The following KIRREL3 variants were observed in gnomAD, a reference collection of about 807,000 sequenced individuals.
KIRREL3 encodes the protein kirre like nephrin family adhesion molecule 3.
Under a neutral mutation model 89.7 loss-of-function variants are expected in KIRREL3, and 36 were observed. The observed-to-expected ratio is 0.40, with a 90% CI of 0.31 to 0.53. KIRREL3 has a LOEUF of 0.53. Among genes scored for constraint, KIRREL3 ranks in the 20% least tolerant of loss-of-function variants. KIRREL3 has a pLI of 0.49. For missense variants in KIRREL3, 864 were observed against 1,056.6 expected, an observed-to-expected ratio of 0.82 and a Z score of 2.53; for synonymous variants, 445 against 441.4, an observed-to-expected ratio of 1.01 and a Z score of -0.10.
intron 1 of KIRREL3, among the ~76,000 whole-genome samples, chr11:126,794,519 T>A (rs1317572287): frequency 6.6e-6 from 1 of 152,222 alleles, no homozygotes; most frequent in African/African-American, 2.4e-5. Flanking sequence ...GTAACACAGA[T>A]CACATGAGAG....
Position 126,905,915 on chromosome 11 carries a change from C to T in KIRREL3, c.55+94540G>A, listed in dbSNP as rs531675174. The stretch of plus-strand genomic sequence containing the variant: ...TGCAGCACAGCTAAGTGAGGATGCA[C>T]GGAGGAGATGAAACAGGCTGACAGG... On this transcript the variant is annotated intron_variant, in intron 1 of 16. Coordinates refer to ENST00000525144, the MANE Select transcript of KIRREL3 (RefSeq NM_032531.4). The surrounding 1 kb of genome is among the most constrained non-coding windows in gnomAD (Gnocchi z 5.0). 3.9e-5 allele frequency among the ~76,000 whole-genome samples: 6 copies of T among 152,270 alleles called. No homozygotes were observed. In the East Asian group the frequency reaches 5.8e-4, roughly 15 times the overall value.
At position 126,954,792 on chromosome 11, in the gene KIRREL3, G is replaced by C. The variant is rs1948876088; in HGVS notation, c.55+45663C>G. Among the ~76,000 whole-genome samples, 1 of 152,162 alleles carries C rather than the reference G, an allele frequency of 6.6e-6. No individual in the cohort carries two copies. Among genetic ancestry groups the C allele is most frequent in the African/African-American group, 2.4e-5 (1 of 41,416 alleles). On this transcript the variant is annotated intron_variant, in intron 1 of 16. Transcript: ENST00000525144. The surrounding 1 kb of genome is among the most constrained non-coding windows in gnomAD (Gnocchi z 4.1). Reference sequence around the variant, plus strand: ...GGCTTACCCTTGAACAACTTTATCAGAAAGTTTTTTCTCATAGAAGGCAGA... The same window carrying C: ...GGCTTACCCTTGAACAACTTTATCACAAAGTTTTTTCTCATAGAAGGCAGA...
At chr11:126,716,762 A>AGGGC (rs1947983250) in intron 1 of KIRREL3, among the ~76,000 whole-genome samples, 2 of 129,832 alleles carry the variant, frequency 1.5e-5, no homozygotes, top group African/African-American at 6.4e-5. Flanking sequence ...GGGGGGGGGA[A>AGGGC]GTGTGGGGGA....
rs1006640243 is a variant in KIRREL3 at position 126,909,467 on chromosome 11, C to G, written c.55+90988G>C. Among the ~76,000 whole-genome samples the G allele has an allele frequency of 5.9e-5, 9 of 152,216 alleles. No individual in the cohort carries two copies. Among genetic ancestry groups the G allele is most frequent in the Non-Finnish European group, 1.0e-4 (7 of 68,032 alleles). ...GAGAGCCATGCCTATTCCTTCAGCA[C>G]GTGCTAAGCGCCGACTCTCAGGGCA... On this transcript the variant is annotated intron_variant, in intron 1 of 16. Transcript: ENST00000525144. The surrounding 1 kb of genome is among the most constrained non-coding windows in gnomAD (Gnocchi z 4.5).
Position 126,492,575 on chromosome 11 carries a change from G to C in KIRREL3, c.434-19109C>G, listed in dbSNP as rs1173973149. On this transcript the variant is annotated intron_variant, in intron 4 of 16. Coordinates refer to ENST00000525144, the MANE Select transcript of KIRREL3 (RefSeq NM_032531.4). The surrounding 1 kb of genome is among the most constrained non-coding windows in gnomAD (Gnocchi z 4.8). ...AGGAGGAGGGATGAGGCTGCCAATT[G>C]CCACCGCCACACAGCAAGCGTCACC... is the stretch of plus-strand genomic sequence containing the variant. Among the ~76,000 whole-genome samples the C allele has an allele frequency of 1.3e-5, 2 of 152,176 alleles. No individual in the cohort carries two copies. The highest frequency in any genetic ancestry group is 2.4e-5 in the African/African-American group (1 of 41,436).
chr11:126,654,951 T>C (rs1945070571), intron 1 of KIRREL3, among the ~76,000 whole-genome samples: 1 of 152,220 alleles, frequency 6.6e-6, no homozygotes, highest in Admixed American at 6.5e-5. Context: ...CTCCTTGCTT[T>C]TATCCTGTCC....
chr11:126,590,104 T>C (rs541969), intron 1 of KIRREL3, among the ~76,000 whole-genome samples: 81,079 of 152,060 alleles, frequency 0.53, 21,934 homozygotes, highest in Admixed American at 0.62. Flanking sequence ...AGGAACCAGA[T>C]TCTGAGGGCT....
intron 1 of KIRREL3, among the ~76,000 whole-genome samples, chr11:126,727,150 T>A (rs1167992324): frequency 6.6e-6 from 1 of 152,202 alleles, no homozygotes; most frequent in Non-Finnish European, 1.5e-5. Context: ...CCATCCATGT[T>A]CATGAAATGA....
chr11:126,466,776 G>A (rs926368877), intron 5 of KIRREL3, among the ~76,000 whole-genome samples: 7 of 152,140 alleles, frequency 4.6e-5, no homozygotes, highest in African/African-American at 1.7e-4. Context: ...CCTTCACTGA[G>A]CTTGGCTCTG....
chr11:126,424,978 G>A lies in KIRREL3; in HGVS notation c.1939C>T (p.His647Tyr), dbSNP rs769834000. Residue 647 changes from histidine to tyrosine, a missense_variant, in exon 17 of 17, where the codon CAC becomes TAC. Physicochemically the swap from His to Tyr is moderately conservative, Grantham distance 83. Coordinates refer to ENST00000525144, the MANE Select transcript of KIRREL3 (RefSeq NM_032531.4). ...YYSVNTFKEH[H>Y]STPTISLSSC... is the part of the protein sequence containing the mutation. ...GAGAGGGAGATGGTCGGGGTTGAGT[G>A]GTGCTCTTTGAAGGTGTTGACGCTG... The A allele has an allele frequency of 6.4e-6, 10 of 1,572,302 alleles. No individual in the cohort carries two copies. In the Admixed American group the frequency reaches 1.1e-4, roughly 17 times the overall value.
At chr11:126,760,227 C>G (rs1949627231) in intron 1 of KIRREL3, among the ~76,000 whole-genome samples, 2 of 152,220 alleles carry the variant, frequency 1.3e-5, no homozygotes, top group African/African-American at 2.4e-5. Flanking sequence ...TTTCGAGAGG[C>G]TGCAAACTCA....
chr11:126,442,521 G>T (rs1287753441), intron 10 of KIRREL3, among the ~76,000 whole-genome samples: 1 of 152,188 alleles, frequency 6.6e-6, no homozygotes, highest in African/African-American at 2.4e-5. Flanking sequence ...GCAGATACCT[G>T]ATTTGAGCCA....
chr11:126,650,026 G>T (rs187239540), intron 1 of KIRREL3, among the ~76,000 whole-genome samples: 2 of 152,240 alleles, frequency 1.3e-5, no homozygotes, highest in Non-Finnish European at 2.9e-5. Context: ...CCACATGGAA[G>T]CTGCCAAGGC....
At chr11:126,888,524 C>T (rs1413309283) in intron 1 of KIRREL3, among the ~76,000 whole-genome samples, 1 of 152,162 alleles carries the variant, frequency 6.6e-6, no homozygotes, top group Non-Finnish European at 1.5e-5. Context: ...TTTATAAAGG[C>T]TAGACCAGAG....
chr11:126,932,421 A>T (rs1363848848), intron 1 of KIRREL3, among the ~76,000 whole-genome samples: 1 of 152,084 alleles, frequency 6.6e-6, no homozygotes, highest in African/African-American at 2.4e-5. Flanking sequence ...CGTCTTGGAC[A>T]CCGAAAGTGG....
chr11:126,538,798 G>A (rs1938126282), intron 2 of KIRREL3, among the ~76,000 whole-genome samples: 1 of 152,184 alleles, frequency 6.6e-6, no homozygotes, highest in African/African-American at 2.4e-5. Flanking sequence ...GTGTGCAGGA[G>A]GGGCTGATAT....
At chr11:126,765,267 C>T (rs545377677) in intron 1 of KIRREL3, among the ~76,000 whole-genome samples, 2 of 152,166 alleles carry the variant, frequency 1.3e-5, no homozygotes, top group Non-Finnish European at 2.9e-5. Context: ...CAATGAGCAA[C>T]CTTCTTAGGT....
intron 1 of KIRREL3, among the ~76,000 whole-genome samples, chr11:126,957,094 T>C (rs569762299): frequency 6.6e-6 from 1 of 152,244 alleles, no homozygotes; most frequent in Non-Finnish European, 1.5e-5. Flanking sequence ...ATGACTGCTA[T>C]TGACTGATGA....
chr11:126,524,518 G>A (rs549519457), intron 3 of KIRREL3, among the ~76,000 whole-genome samples: 3 of 152,298 alleles, frequency 2.0e-5, no homozygotes, highest in East Asian at 3.9e-4. Flanking sequence ...CCTCCGGATC[G>A]CTGTAGATTT....
Sources: gnomAD v4.1 joint callset for allele counts (sites outside exome capture counted in the v4.1 genomes callset) on GRCh38, gnomAD v4.1.1 for gene constraint, Gnocchi (gnomAD v3.1) non-coding constraint, MANE v1.5 for transcripts, NCBI Gene and HGNC (gene_info 2026-07-23, HGNC 2026-07-21) for gene names.